The following RBL1 variants were observed in gnomAD, a reference collection of about 807,000 sequenced individuals.
RBL1 encodes RB transcriptional corepressor like 1.
In RBL1, 82 loss-of-function variants were observed where a neutral mutation model predicts 123.0. That is an observed-to-expected ratio of 0.67 (90% CI 0.56 to 0.80). The LOEUF (loss-of-function observed/expected upper bound fraction) is 0.80, where lower values mean the gene tolerates loss of function less well. Among genes scored for constraint, RBL1 ranks in the 30% least tolerant of loss-of-function variants. RBL1 has a pLI of 0.00. For synonymous variants in RBL1, 405 were observed against 441.3 expected (o/e 0.92, Z 1.03); for missense variants, 1,171 against 1,299.6 (o/e 0.90, Z 1.52).
At chr20:37,015,126 CTA>C (rs1366345969) in intron 19 of RBL1, among the ~76,000 whole-genome samples, 1 of 150,626 alleles carries the variant, frequency 6.6e-6, no homozygotes, top group Middle Eastern at 3.4e-3. Flanking sequence ...GATCTGAAAC[CTA>C]TATATACAGG....
At position 37,095,777 on chromosome 20, in the gene RBL1, A is replaced by T. The variant is rs1395116311; in HGVS notation, c.152T>A (p.Leu51Gln). Residue 51 changes from leucine (L) to glutamine (Q), a missense_variant, in exon 1 of 22, where the codon CTA (leucine) becomes CAA (glutamine). By Grantham distance (113) the Leu-to-Gln change is moderately radical (BLOSUM62 -2). Transcript: ENST00000373664. ...DFTAIRGNYS[L>Q]EGEVTHWLAC... ...GCCCCACCTGCTGCCGCTCACCTCT[A>T]GGCTGTAGTTGCCTCGGATGGCAGT... 6 of 1,607,648 alleles carry T rather than the reference A, an allele frequency of 3.7e-6. No individual in the cohort carries two copies. Among genetic ancestry groups the T allele is most frequent in the Non-Finnish European group, 4.2e-6 (5 of 1,177,338 alleles).
chr20:37,063,036 A>C (rs2065120353), intron 7 of RBL1, among the ~76,000 whole-genome samples: 1 of 152,238 alleles, frequency 6.6e-6, no homozygotes, highest in Non-Finnish European at 1.5e-5. Context: ...TGTAAAATCA[A>C]ATACAGAGTC....
intron 16 of RBL1, among the ~76,000 whole-genome samples, chr20:37,028,322 G>A (rs1244815634): frequency 1.3e-5 from 2 of 152,056 alleles, no homozygotes; most frequent in Non-Finnish European, 2.9e-5. Flanking sequence ...CCGAGATCAC[G>A]CTACTGCATT....
At chr20:37,086,672 AAT>A (rs2146333011) in intron 2 of RBL1, among the ~76,000 whole-genome samples, 1 of 152,322 alleles carries the variant, frequency 6.6e-6, no homozygotes, top group Admixed American at 6.5e-5. Context: ...AATGACCACA[AAT>A]AGTTTTGTCC....
Position 37,007,431 on chromosome 20 carries a change from A to C in RBL1, c.2851T>G (p.Leu951Val). Residue 951 changes from leucine (L) to valine (V), a missense_variant, in exon 20 of 22, where the codon TTG becomes GTG. Leu to Val is a conservative substitution (Grantham distance 32). Transcript: ENST00000373664. ...CATACCATATGGTCCTGATTCGCCA[A>C]GTCGTATTTCAGTGCAAATGACTTC... ...RVKSFALKYD[L>V]ANQDHMMDAP... The C allele has an allele frequency of 6.2e-7, 1 of 1,613,880 alleles. No homozygotes were observed. Among genetic ancestry groups the C allele is most frequent in the Non-Finnish European group, 8.5e-7 (1 of 1,179,908 alleles).
rs1376551394 is a variant in RBL1 at position 37,018,212 on chromosome 20, C to G, written c.2722+67G>C. ...ATTCACATTTCCATGTTGTCTGACA[C>G]CCACTGTATTATGTACAGTGTGATC... On this transcript the variant is annotated intron_variant, in intron 19 of 21. Coordinates refer to ENST00000373664, the MANE Select transcript of RBL1 (RefSeq NM_002895.5). 5 of 1,428,500 alleles carry G rather than the reference C, an allele frequency of 3.5e-6. No individual in the cohort carries two copies. In the African/African-American group the frequency reaches 7.3e-5, roughly 21 times the overall value. 88.5% of individuals were successfully genotyped at this position (1,428,500 alleles called of 1,614,324 possible).
intron 16 of RBL1, among the ~76,000 whole-genome samples, chr20:37,031,050 A>C (rs2064503962): frequency 1.3e-5 from 2 of 152,130 alleles, no homozygotes; most frequent in Non-Finnish European, 2.9e-5. Context: ...TGTCTCAAAA[A>C]AAAATAGACA....
chr20:37,002,974 T>G (rs533569902), intron 21 of RBL1, among the ~76,000 whole-genome samples: 1 of 152,296 alleles, frequency 6.6e-6, no homozygotes, highest in Admixed American at 6.5e-5. Context: ...TCTGCCCGCC[T>G]TGGCCTCCCA....
At chr20:37,042,072 C>CA (rs71186100) in intron 13 of RBL1, among the ~76,000 whole-genome samples, 41,352 of 86,664 alleles carry the variant, frequency 0.48, 8,927 homozygotes, top group South Asian at 0.63. Flanking sequence ...GACTTTGTCT[C>CA]AAAAAAAAAA....
At chr20:37,000,386 C>A (rs2098245091) in intron 21 of RBL1, among the ~76,000 whole-genome samples, 1 of 120,130 alleles carries the variant, frequency 8.3e-6, no homozygotes, top group Non-Finnish European at 1.9e-5. Flanking sequence ...TAGCCCCCCG[C>A]CCGGCCAGCC....
intron 15 of RBL1, 118 bp from the exon 16 acceptor site, chr20:37,032,994 G>T: frequency 2.1e-3 from 2,032 of 984,222 alleles, no homozygotes; most frequent in Non-Finnish European, 2.5e-3. Context: ...CTACAAAATA[G>T]TAATTCTAGG....
In RBL1 at chr20:36,997,490, T is replaced by C. The variant is rs1237618092; in HGVS notation, c.*1269A>G. The C allele has an allele frequency of 1.3e-5, 2 of 152,168 alleles. No individual in the cohort carries two copies. The highest frequency in any genetic ancestry group is 2.1e-4 in the South Asian group (1 of 4,830). 9.4% of individuals were successfully genotyped at this position (152,168 alleles called of 1,614,324 possible). ...AAGTAATAAGCAGCTATTTTACTGA[T>C]GTATTAAATATATTAGAATTATGAG... On this transcript the variant is annotated 3_prime_UTR_variant, in exon 22 of 22. Transcript: ENST00000373664.
chr20:36,998,873 T>G lies in RBL1; in HGVS notation c.3093A>C (p.Arg1031=). ...IRQGEQRTKK[R]VIAIDSDAES... ...CTGCATCACTATCGATGGCTATTAC[T>G]CGCTTCTTGGTTCTCTGCTCACCTT... Residue 1031 remains arginine (R), a synonymous_variant, in exon 22 of 22, where the codon CGA becomes CGC. Coordinates refer to ENST00000373664, the MANE Select transcript of RBL1 (RefSeq NM_002895.5). The G allele has an allele frequency of 6.2e-7, 1 of 1,613,726 alleles. No individual in the cohort carries two copies. The highest frequency in any genetic ancestry group is 8.5e-7 in the Non-Finnish European group (1 of 1,179,666).
intron 1 of RBL1, among the ~76,000 whole-genome samples, chr20:37,089,837 G>A (rs1339989210): frequency 2.0e-5 from 3 of 152,086 alleles, no homozygotes; most frequent in African/African-American, 7.2e-5. Flanking sequence ...AATCACTTGA[G>A]GCCAGGGGTT....
At chr20:37,056,595 C>G (rs926711623) in intron 9 of RBL1, among the ~76,000 whole-genome samples, 15 of 152,134 alleles carry the variant, frequency 9.9e-5, no homozygotes, top group African/African-American at 3.6e-4. Flanking sequence ...CCTTGTGATC[C>G]ACCCACCTCA....
intron 2 of RBL1, among the ~76,000 whole-genome samples, chr20:37,082,500 T>A (rs912880904): frequency 1.5e-4 from 23 of 150,620 alleles, no homozygotes; most frequent in South Asian, 4.2e-4. Context: ...ACACACACAC[T>A]CTCTCTCTCT....
intron 3 of RBL1, 113 bp downstream of exon 3, chr20:37,067,870 AAAT>A (rs1354538553): frequency 8.1e-7 from 1 of 1,227,672 alleles, no homozygotes; most frequent in East Asian, 2.5e-5. Flanking sequence ...TTTAAAAAGA[AAAT>A]AATTAAGTTC....
At chr20:37,062,028 TCA>T (rs1485037078) in intron 8 of RBL1, 54 bp downstream of exon 8, 5 of 1,482,794 alleles carry the variant, frequency 3.4e-6, no homozygotes, top group Non-Finnish European at 4.5e-6. Context: ...GTTAGTAGAA[TCA>T]CACACAGAGA....
rs1340242413 is a variant in RBL1, at chr20:37,007,521, C to T, written c.2761G>A (p.Gly921Arg). The T allele has an allele frequency of 1.2e-6, 2 of 1,613,696 alleles. No individual in the cohort carries two copies. Among genetic ancestry groups the T allele is most frequent in the African/African-American group, 2.7e-5 (2 of 74,872 alleles). Residue 921 changes from glycine to arginine, a missense_variant, in exon 20 of 22, where the codon GGA becomes AGA. Gly to Arg is a moderately radical substitution (Grantham distance 125, BLOSUM62 -2). Coordinates refer to ENST00000373664, the MANE Select transcript of RBL1 (RefSeq NM_002895.5). ...DATKTPDCSSGPVKEERGDLI... is the reference protein window; with the variant it reads ...DATKTPDCSSRPVKEERGDLI... ...TCACCTCTTTCCTCTTTCACTGGTC[C>T]ACTGGAACAGTCAGGTGTTTTTGTA...
Sources: allele counts gnomAD v4.1 joint callset (sites outside exome capture counted in the v4.1 genomes callset), GRCh38; gene constraint gnomAD v4.1.1; transcripts MANE v1.5; gene names NCBI Gene and HGNC (gene_info 2026-07-23, HGNC 2026-07-21).